The following PPARGC1A variants were observed in gnomAD, a reference collection of about 807,000 sequenced individuals.
PPARGC1A encodes the protein PPARG coactivator 1 alpha, also known as peroxisome proliferator-activated receptor gamma coactivator 1-alpha.
Under a neutral mutation model 88.7 loss-of-function variants are expected in PPARGC1A, and 25 were observed. The observed-to-expected ratio is 0.28, with a 90% CI of 0.21 to 0.39. The LOEUF is 0.39. Among genes scored for constraint, PPARGC1A ranks in the 10% least tolerant of loss-of-function variants. PPARGC1A has a pLI of 1.00. For synonymous variants in PPARGC1A, 363 were observed against 355.6 expected, an observed-to-expected ratio of 1.02 and a Z score of -0.24; for missense variants, 880 against 968.7, an observed-to-expected ratio of 0.91 and a Z score of 1.22.
the PPARGC1A span, among the ~76,000 whole-genome samples, chr4:24,427,167 TC>T: frequency 6.6e-6 from 1 of 152,204 alleles, no homozygotes; most frequent in Non-Finnish European, 1.5e-5. Flanking sequence ...TTTTCTAATG[TC>T]CTCATTACAA....
chr4:24,223,687 C>G, the PPARGC1A span, among the ~76,000 whole-genome samples: 1 of 152,084 alleles, frequency 6.6e-6, no homozygotes, highest in East Asian at 1.9e-4. Context: ...TCAGTGGCAT[C>G]TTATGATCAA....
intron 2 of PPARGC1A, among the ~76,000 whole-genome samples, chr4:23,862,892 C>T (rs1731483817): frequency 6.6e-6 from 1 of 152,182 alleles, no homozygotes; most frequent in South Asian, 2.1e-4. Context: ...ATGACTTCTC[C>T]AGAGCTCCAT....
chr4:23,832,547 G>A (rs1464524948), intron 2 of PPARGC1A, among the ~76,000 whole-genome samples: 1 of 151,452 alleles, frequency 6.6e-6, no homozygotes, highest in Non-Finnish European at 1.5e-5. Flanking sequence ...TTTGTTAAAT[G>A]CACTTATTTC....
At chr4:23,889,650 C>T (rs1182436485) in intron 1 of PPARGC1A, among the ~76,000 whole-genome samples, 1 of 152,152 alleles carries the variant, frequency 6.6e-6, no homozygotes, top group Non-Finnish European at 1.5e-5. Flanking sequence ...GCCAAAGTCA[C>T]ATGGAAAGAG....
chr4:24,348,431 G>A, the PPARGC1A span, among the ~76,000 whole-genome samples: 2 of 152,116 alleles, frequency 1.3e-5, no homozygotes, highest in South Asian at 2.1e-4. Context: ...TTCTTCCTCA[G>A]GTACACTGAT....
At chr4:24,095,870 T>C in the PPARGC1A span, among the ~76,000 whole-genome samples, 1 of 152,138 alleles carries the variant, frequency 6.6e-6, no homozygotes, top group Non-Finnish European at 1.5e-5. Flanking sequence ...AGGGACTTAA[T>C]CACATTCACA....
At chr4:24,219,146 C>T in the PPARGC1A span, among the ~76,000 whole-genome samples, 754 of 152,212 alleles carry the variant, frequency 5.0e-3, 8 homozygotes, top group African/African-American at 0.017. Flanking sequence ...CACAGGATAA[C>T]TGGTATCCAG....
At chr4:24,420,299 G>T in the PPARGC1A span, among the ~76,000 whole-genome samples, 1 of 152,210 alleles carries the variant, frequency 6.6e-6, no homozygotes, top group Admixed American at 6.5e-5. Flanking sequence ...ATTAAAAATA[G>T]TTTGTGATGG....
At chr4:24,287,819 A>G in the PPARGC1A span, among the ~76,000 whole-genome samples, 494 of 152,242 alleles carry the variant, frequency 3.2e-3, 1 homozygote, top group South Asian at 0.022. Context: ...GGCTTTTAAT[A>G]AAGGTTATAT....
chr4:23,977,883 T>C, the PPARGC1A span, among the ~76,000 whole-genome samples: 1 of 152,238 alleles, frequency 6.6e-6, no homozygotes, highest in Non-Finnish European at 1.5e-5. Flanking sequence ...CATTTCTGTA[T>C]TATAAGCCAC....
chr4:24,173,757 C>T, the PPARGC1A span, among the ~76,000 whole-genome samples: 1 of 152,340 alleles, frequency 6.6e-6, no homozygotes, highest in Non-Finnish European at 1.5e-5. Context: ...AATCTCCAAG[C>T]ATCAGCTTCC....
At chr4:24,401,891 G>GTA in the PPARGC1A span, among the ~76,000 whole-genome samples, 2 of 152,194 alleles carry the variant, frequency 1.3e-5, no homozygotes, top group African/African-American at 4.8e-5. Flanking sequence ...TTACTTTACA[G>GTA]ATGAAGAAAC....
chr4:24,001,384 C>T, the PPARGC1A span, among the ~76,000 whole-genome samples: 4 of 152,132 alleles, frequency 2.6e-5, no homozygotes, highest in Admixed American at 6.5e-5. Context: ...GCTCTCCTAC[C>T]GAACTATATA....
chr4:24,008,998 C>A, the PPARGC1A span, among the ~76,000 whole-genome samples: 1 of 152,042 alleles, frequency 6.6e-6, no homozygotes, highest in Non-Finnish European at 1.5e-5. Flanking sequence ...AACTCTCCCA[C>A]CATTTATCTT....
the PPARGC1A span, among the ~76,000 whole-genome samples, chr4:23,964,097 A>T: frequency 6.6e-6 from 1 of 152,232 alleles, no homozygotes; most frequent in Admixed American, 6.5e-5. Flanking sequence ...CTTACAATAC[A>T]AGTTCAATTA....
chr4:24,085,733 T>C, the PPARGC1A span, among the ~76,000 whole-genome samples: 19 of 152,172 alleles, frequency 1.2e-4, no homozygotes, highest in Admixed American at 1.2e-3. Flanking sequence ...TGCAAAATTA[T>C]CTCCTCATGA....
the PPARGC1A span, among the ~76,000 whole-genome samples, chr4:23,950,295 C>T: frequency 1.3e-5 from 2 of 152,020 alleles, no homozygotes; most frequent in African/African-American, 2.4e-5. Flanking sequence ...CATTTCTGTA[C>T]CCACCTCCTC....
the PPARGC1A span, among the ~76,000 whole-genome samples, chr4:24,442,831 G>T: frequency 6.6e-6 from 1 of 152,164 alleles, no homozygotes; most frequent in Non-Finnish European, 1.5e-5. Context: ...AAGTAACCAC[G>T]AGCCTGTATT....
At chr4:24,040,277 G>A in the PPARGC1A span, among the ~76,000 whole-genome samples, 2 of 152,138 alleles carry the variant, frequency 1.3e-5, no homozygotes, top group African/African-American at 2.4e-5. Context: ...TGTAGACTCT[G>A]CATTTTAATG....
Sources: allele counts gnomAD v4.1 joint callset (sites outside exome capture counted in the v4.1 genomes callset), GRCh38; gene constraint gnomAD v4.1.1; transcripts MANE v1.5; gene names NCBI Gene and HGNC (gene_info 2026-07-23, HGNC 2026-07-21).